Variants in CNNM2 observed in about 807,000 individuals in gnomAD.
The protein encoded by CNNM2 is cyclin and CBS domain divalent metal cation transport mediator 2.
In CNNM2, 12 loss-of-function variants were observed where a neutral mutation model predicts 66.9. The ratio of observed to expected loss-of-function variants is 0.18; its 90% CI spans 0.11 to 0.29. The LOEUF is 0.29. Ranked by LOEUF, CNNM2 falls within the 10% of genes least tolerant of loss-of-function variation. CNNM2 has a pLI of 1.00. For missense variants in CNNM2, 705 were observed against 1,167.7 expected (o/e 0.60, Z 5.77); for synonymous variants, 557 against 501.8 (o/e 1.11, Z -1.47).
chr10:103,025,290 C>A (rs1416818505), intron 1 of CNNM2, among the ~76,000 whole-genome samples: 1 of 152,090 alleles, frequency 6.6e-6, no homozygotes, highest in Non-Finnish European at 1.5e-5. Flanking sequence ...GGGGTTTCAC[C>A]GTGTTGGCCA....
At chr10:102,999,636 T>C (rs1250919786) in intron 1 of CNNM2, among the ~76,000 whole-genome samples, 1 of 152,010 alleles carries the variant, frequency 6.6e-6, no homozygotes, top group Non-Finnish European at 1.5e-5. Context: ...CTTATCAAAA[T>C]CCAGGCTGCC....
intron 6 of CNNM2, among the ~76,000 whole-genome samples, chr10:103,074,326 C>T (rs1252203160): frequency 6.6e-6 from 1 of 152,060 alleles, no homozygotes; most frequent in Non-Finnish European, 1.5e-5. Context: ...TACCATCATC[C>T]ACATTTTACA....
chr10:103,001,732 G>A (rs534399314), intron 1 of CNNM2, among the ~76,000 whole-genome samples: 5 of 152,132 alleles, frequency 3.3e-5, no homozygotes, highest in African/African-American at 4.8e-5. Flanking sequence ...GGCCAGGTGC[G>A]CTGGCTCATA....
chr10:103,012,942 A>G lies in CNNM2; in HGVS notation c.1622-36765A>G, dbSNP rs11191512. Among the ~76,000 whole-genome samples the G allele has an allele frequency of 0.2, 30,895 of 152,038 alleles. 3,279 individuals carry two copies. The highest frequency in any genetic ancestry group is 0.22 in the Non-Finnish European group (15,069 of 67,966). ...TTTTCCTATCTTGCTTCAAACATAG[A>G]AAGAAGTACCATATGAAATAAGTAA... On this transcript the variant is annotated intron_variant, in intron 1 of 7. Coordinates refer to ENST00000369878, the MANE Select transcript of CNNM2 (RefSeq NM_017649.5).
chr10:102,942,709 T>G (rs1205209614), intron 1 of CNNM2, among the ~76,000 whole-genome samples: 2 of 152,226 alleles, frequency 1.3e-5, no homozygotes, highest in African/African-American at 2.4e-5. Flanking sequence ...ATAGTAATTC[T>G]ATTCTTAATT....
chr10:102,962,090 T>A (rs913400972), intron 1 of CNNM2, among the ~76,000 whole-genome samples: 4 of 151,508 alleles, frequency 2.6e-5, no homozygotes, highest in Non-Finnish European at 4.4e-5. Context: ...AAAAAAAAAA[T>A]TTTAATGGTA....
In CNNM2 at chr10:102,993,750, G is replaced by A. The variant is rs12569364; in HGVS notation, c.1622-55957G>A. Among the ~76,000 whole-genome samples, 30,884 of 151,932 alleles carry A rather than the reference G, an allele frequency of 0.2. 3,276 individuals carry two copies. Among genetic ancestry groups the A allele is most frequent in the Non-Finnish European group, 0.22 (15,052 of 67,958 alleles). The stretch of plus-strand genomic sequence containing the variant: ...GTAAAAATTTAAGCTTCAAACCTAC[G>A]TAAGGTGTAGGTCTGTCATTAAAAA... On this transcript the variant is annotated intron_variant, in intron 1 of 7. Coordinates refer to ENST00000369878, the MANE Select transcript of CNNM2 (RefSeq NM_017649.5).
intron 1 of CNNM2, among the ~76,000 whole-genome samples, chr10:103,004,776 A>G (rs979617926): frequency 2.0e-5 from 3 of 152,216 alleles, no homozygotes; most frequent in Non-Finnish European, 2.9e-5. Context: ...AAACTTTTAC[A>G]TATCTTCTTC....
chr10:102,990,402 G>C (rs901546647), intron 1 of CNNM2, among the ~76,000 whole-genome samples: 2 of 152,154 alleles, frequency 1.3e-5, no homozygotes, highest in African/African-American at 4.8e-5. Context: ...GGGATTTTGC[G>C]TGGGAATAAA....
intron 1 of CNNM2, among the ~76,000 whole-genome samples, chr10:103,045,593 C>T (rs147977778): frequency 6.6e-6 from 1 of 151,710 alleles, no homozygotes. Context: ...CACCCCACCC[C>T]CCGCCACCGC....
At chr10:102,999,184 C>T (rs2064064913) in intron 1 of CNNM2, among the ~76,000 whole-genome samples, 1 of 151,798 alleles carries the variant, frequency 6.6e-6, no homozygotes, top group African/African-American at 2.4e-5. Context: ...CATTCTCCCG[C>T]CTCAGCCTCC....
chr10:103,029,720 G>T (rs1288732932), intron 1 of CNNM2, among the ~76,000 whole-genome samples: 2 of 151,930 alleles, frequency 1.3e-5, no homozygotes, highest in African/African-American at 4.8e-5. Flanking sequence ...AAAAAAATTA[G>T]CCAGGCATGG....
intron 1 of CNNM2, among the ~76,000 whole-genome samples, chr10:103,028,221 A>G (rs1482091185): frequency 6.6e-6 from 1 of 152,198 alleles, no homozygotes; most frequent in Non-Finnish European, 1.5e-5. Flanking sequence ...CCTCAAAAGG[A>G]TGGTCTGTTT....
Position 102,919,236 on chromosome 10 carries a change from G to C in CNNM2, c.756G>C (p.Leu252=), listed in dbSNP as rs1344843002. Residue 252 remains leucine, a synonymous_variant, in exon 1 of 8, where the codon CTG becomes CTC. Transcript: ENST00000369878. ...TCGTAGGCGAAGAGAAGAAGTTCCT[G>C]CTGCCCTTCTGGCTGCAGGTGATCT... ...KMIVGEEKKF[L]LPFWLQVIFI... The C allele has an allele frequency of 6.2e-7, 1 of 1,613,528 alleles. No homozygotes were observed. The highest frequency in any genetic ancestry group is 1.7e-5 in the Admixed American group (1 of 60,032).
chr10:103,078,616 G>A lies in CNNM2; in HGVS notation c.*1436G>A, dbSNP rs746193338. On this transcript the variant is annotated 3_prime_UTR_variant, in exon 8 of 8. Coordinates refer to ENST00000369878, the MANE Select transcript of CNNM2 (RefSeq NM_017649.5). ...TAGCTTATCTGTGTTTTGTTAGCCC[G>A]AGGGATATGTGCAGGTTGTTGGCGC... is the stretch of plus-strand genomic sequence containing the variant. 3.3e-5 allele frequency: 5 copies of A among 152,226 alleles called. No individual in the cohort carries two copies. The highest frequency in any genetic ancestry group is 4.8e-5 in the African/African-American group (2 of 41,452). The allele number at this position is 152,226 out of a possible 1,614,324, so 9.4% of individuals were successfully genotyped here.
chr10:103,028,814 C>CTTTTTTTTTTTTTTTTTT (rs67846722), intron 1 of CNNM2, among the ~76,000 whole-genome samples: 5 of 126,180 alleles, frequency 4.0e-5, no homozygotes, highest in African/African-American at 6.0e-5. Context: ...TTTTCTTTTT[C>CTTTTTTTTTTTTTTTTTT]TTTTTTTTTT....
rs182240932 is a variant in CNNM2 at position 102,959,172 on chromosome 10, C to T, written c.1621+39071C>T. Reference sequence around the variant, plus strand: ...CTGGTCTCAAACTCCTGGGCTCAAGCGATCACCCGCCTTAGTCTCCCAAAG... The same window carrying T: ...CTGGTCTCAAACTCCTGGGCTCAAGTGATCACCCGCCTTAGTCTCCCAAAG... On this transcript the variant is annotated intron_variant, in intron 1 of 7. Transcript: ENST00000369878. 2.8e-3 allele frequency among the ~76,000 whole-genome samples: 421 copies of T among 151,638 alleles called. 2 individuals are homozygous for T. Among genetic ancestry groups the T allele is most frequent in the Non-Finnish European group, 5.1e-3 (347 of 67,838 alleles).
At chr10:103,053,489 C>T (rs1386214255) in intron 2 of CNNM2, among the ~76,000 whole-genome samples, 1 of 152,174 alleles carries the variant, frequency 6.6e-6, no homozygotes, top group Non-Finnish European at 1.5e-5. Flanking sequence ...GTACTCCAGC[C>T]TGGGCAATAG....
At chr10:102,953,037 A>T (rs987852443) in intron 1 of CNNM2, among the ~76,000 whole-genome samples, 2 of 152,208 alleles carry the variant, frequency 1.3e-5, no homozygotes, top group South Asian at 4.1e-4. Flanking sequence ...GAACTACTTA[A>T]CCATTCTCTT....
Sources: allele counts gnomAD v4.1 joint callset (sites outside exome capture counted in the v4.1 genomes callset), GRCh38; gene constraint gnomAD v4.1.1; transcripts MANE v1.5; gene names NCBI Gene and HGNC (gene_info 2026-07-23, HGNC 2026-07-21).